The following RPGRIP1L variants were observed in gnomAD, a reference collection of about 807,000 sequenced individuals.
The protein encoded by RPGRIP1L is protein fantom.
RPGRIP1L carries 131 observed loss-of-function variants against 160.4 expected under a neutral mutation model. The ratio of observed to expected loss-of-function variants is 0.82; its 90% CI spans 0.71 to 0.94. The LOEUF is 0.94. RPGRIP1L is among the 40% of genes least tolerant of loss of function. The pLI, the probability that RPGRIP1L is intolerant of heterozygous loss-of-function variation, is 0.00. For synonymous variants in RPGRIP1L, 510 were observed against 515.8 expected, an observed-to-expected ratio of 0.99 and a Z score of 0.15; for missense variants, 1,522 against 1,535.8, an observed-to-expected ratio of 0.99 and a Z score of 0.15.
intron 6 of RPGRIP1L, among the ~76,000 whole-genome samples, chr16:53,680,707 G>C (rs886337817): frequency 2.3e-4 from 35 of 152,090 alleles, no homozygotes; most frequent in African/African-American, 7.2e-4. Flanking sequence ...GTAGGAGGAT[G>C]TCCTTGTTCC....
chr16:53,614,827 T>G (rs1046448581), intron 24 of RPGRIP1L, among the ~76,000 whole-genome samples: 3 of 152,188 alleles, frequency 2.0e-5, no homozygotes, highest in Non-Finnish European at 4.4e-5. Flanking sequence ...TGACATAAAC[T>G]TACTGAAAGC....
At chr16:53,638,248 T>C (rs1244348679) in intron 20 of RPGRIP1L, 62 bp downstream of exon 20, 1 of 986,122 alleles carries the variant, frequency 1.0e-6, no homozygotes, top group Non-Finnish European at 1.6e-6. Flanking sequence ...TCAAAACTTA[T>C]AAGACAAAGT....
chr16:53,655,664 T>C (rs1443579106), intron 14 of RPGRIP1L: 1 of 152,186 alleles, frequency 6.6e-6, no homozygotes, highest in East Asian at 1.9e-4. Flanking sequence ...CATGTAGTCT[T>C]GCACCTCCAT....
At position 53,658,777 on chromosome 16, in the gene RPGRIP1L, TGTACAATTTTATGC is replaced by T; in HGVS notation, c.1331_1344del (p.Arg444GlnfsTer5). 1 of 1,585,352 alleles carries T rather than the reference TGTACAATTTTATGC, an allele frequency of 6.3e-7. No homozygotes were observed. Among genetic ancestry groups the T allele is most frequent in the Non-Finnish European group, 8.6e-7 (1 of 1,158,766 alleles). ...TAAATAAGGAAATAATTCACCTGGTTGTACAATTTTATGCGTTTTTTAAGTTCATCAAGTTGTTG... is the reference window on the plus strand; with the variant it reads ...TAAATAAGGAAATAATTCACCTGGTTGTTTTTTAAGTTCATCAAGTTGTTG... On this transcript the variant is annotated frameshift_variant, in exon 11 of 27. Coordinates refer to ENST00000647211, the MANE Select transcript of RPGRIP1L (RefSeq NM_015272.5). LOFTEE classifies it high-confidence loss of function.
intron 6 of RPGRIP1L, among the ~76,000 whole-genome samples, chr16:53,680,781 G>T (rs1969547521): frequency 6.6e-6 from 1 of 152,002 alleles, no homozygotes; most frequent in African/African-American, 2.4e-5. Flanking sequence ...TGGGAGTAAG[G>T]AAGGGAGAGA....
At chr16:53,634,156 T>C (rs1282251888) in intron 22 of RPGRIP1L, among the ~76,000 whole-genome samples, 1 of 150,980 alleles carries the variant, frequency 6.6e-6, no homozygotes, top group African/African-American at 2.4e-5. Context: ...GCTGTGTTCT[T>C]ACATGGCAGA....
intron 16 of RPGRIP1L, among the ~76,000 whole-genome samples, chr16:53,648,103 C>CAAAA (rs781122239): frequency 7.7e-5 from 3 of 39,102 alleles, no homozygotes; most frequent in Non-Finnish European, 1.1e-4. Context: ...GACTCCGTCT[C>CAAAA]AAAAAAAAAA....
At chr16:53,673,591 GTTTT>G (rs927738631) in intron 7 of RPGRIP1L, among the ~76,000 whole-genome samples, 1 of 151,108 alleles carries the variant, frequency 6.6e-6, no homozygotes, top group Non-Finnish European at 1.5e-5. Flanking sequence ...ATGTCACATA[GTTTT>G]TTTTTAAAAT....
chr16:53,699,819 A>C (rs1269419199), intron 2 of RPGRIP1L, among the ~76,000 whole-genome samples: 4 of 129,298 alleles, frequency 3.1e-5, no homozygotes, highest in Non-Finnish European at 6.6e-5. Flanking sequence ...CTTCGTCTCA[A>C]AAAAAAAAAA....
intron 10 of RPGRIP1L, among the ~76,000 whole-genome samples, chr16:53,664,456 T>G (rs1968070560): frequency 6.6e-6 from 1 of 152,164 alleles, no homozygotes; most frequent in Admixed American, 6.5e-5. Flanking sequence ...ACATATTTAT[T>G]TAATTGTTGT....
At chr16:53,652,452 A>C in intron 15 of RPGRIP1L, 83 bp downstream of exon 15, 3 of 1,091,512 alleles carry the variant, frequency 2.7e-6, no homozygotes, top group Non-Finnish European at 4.2e-6. Flanking sequence ...AATATACAAG[A>C]AAAGATAGTA....
chr16:53,699,721 G>A (rs1971220086), intron 2 of RPGRIP1L, among the ~76,000 whole-genome samples: 1 of 152,094 alleles, frequency 6.6e-6, no homozygotes, highest in African/African-American at 2.4e-5. Flanking sequence ...GGCAGGCTGA[G>A]GCAGGAGAAT....
Position 53,637,774 on chromosome 16 carries a change from T to C in RPGRIP1L, c.3141A>G (p.Leu1047=). The C allele has an allele frequency of 2.5e-6, 4 of 1,613,158 alleles. No homozygotes were observed. The highest frequency in any genetic ancestry group is 3.4e-6 in the Non-Finnish European group (4 of 1,179,710). Residue 1047 remains leucine (L), a synonymous_variant, in exon 21 of 27, where the codon CTA becomes CTG. Coordinates refer to ENST00000647211, the MANE Select transcript of RPGRIP1L (RefSeq NM_015272.5). ...MQQGKDDVSL[L]SEGQLAEQSL... ...TTTGTTCTGCAAGCTGACCTTCAGA[T>C]AGTAAAGACACATCATCTTTTCCTT...
In RPGRIP1L at chr16:53,645,659, A is replaced by G. The variant is rs1417235196; in HGVS notation, c.2649T>C (p.Pro883=). The part of the protein sequence containing the change: ...ENIYIGKVNV[P]LISLAHDRCI... ...ACCTGTCATGTGCCAACGAAATCAGAGGCACATTGACTTTTCCTATGTAAA... is the reference window on the plus strand; with the variant it reads ...ACCTGTCATGTGCCAACGAAATCAGGGGCACATTGACTTTTCCTATGTAAA... The change falls in exon 17 of 27, where the codon CCT becomes CCC. Residue 883 remains proline (P), a synonymous_variant. Transcript: ENST00000647211. The G allele has an allele frequency of 1.2e-6, 2 of 1,613,772 alleles. No homozygotes were observed. Among genetic ancestry groups the G allele is most frequent in the Non-Finnish European group, 1.7e-6 (2 of 1,179,882 alleles).
In RPGRIP1L at chr16:53,650,650, G is replaced by A. The variant is rs184958764; in HGVS notation, c.2153-1535C>T. On this transcript the variant is annotated intron_variant, in intron 15 of 26. Transcript: ENST00000647211. ...CCCAGGGTGGCTAAGGAAAAGGGGAGGGAGGTAGACATTGAAGTCTTTTTG... is the reference window on the plus strand; with the variant it reads ...CCCAGGGTGGCTAAGGAAAAGGGGAAGGAGGTAGACATTGAAGTCTTTTTG... Among the ~76,000 whole-genome samples, 439 of 152,268 alleles carry A rather than the reference G, an allele frequency of 2.9e-3. 15 individuals carry two copies. The highest frequency in any genetic ancestry group is 0.025 in the Admixed American group (385 of 15,280).
At chr16:53,613,136 T>G (rs1396147040) in intron 24 of RPGRIP1L, among the ~76,000 whole-genome samples, 1 of 152,234 alleles carries the variant, frequency 6.6e-6, no homozygotes, top group Non-Finnish European at 1.5e-5. Flanking sequence ...TATACCACAT[T>G]TTGTTTATCC....
chr16:53,698,306 C>T (rs1407798445), intron 2 of RPGRIP1L, among the ~76,000 whole-genome samples: 22 of 144,406 alleles, frequency 1.5e-4, no homozygotes, highest in Middle Eastern at 8.3e-3. Context: ...CCGCCCCGTC[C>T]GGGAGGGAGG....
intron 15 of RPGRIP1L, 132 bp downstream of exon 15, chr16:53,652,403 G>T: frequency 1.4e-6 from 1 of 735,220 alleles, no homozygotes; most frequent in African/African-American, 1.8e-5. Flanking sequence ...CCAATTAACT[G>T]TGGGTAAAGA....
intron 9 of RPGRIP1L, 49 bp downstream of exon 9, chr16:53,671,461 A>C (rs1968716662): frequency 1.7e-6 from 2 of 1,196,290 alleles, no homozygotes; most frequent in Non-Finnish European, 2.5e-6. Context: ...GCTTACATAT[A>C]AAAGAGCTCA....
Sources: allele counts gnomAD v4.1 joint callset (sites outside exome capture counted in the v4.1 genomes callset), GRCh38; gene constraint gnomAD v4.1.1; transcripts MANE v1.5; gene names NCBI Gene and HGNC (gene_info 2026-07-23, HGNC 2026-07-21).